Variants in HPGD observed in about 807,000 individuals in gnomAD.
HPGD encodes 15-hydroxyprostaglandin dehydrogenase [NAD(+)].
A neutral mutation model predicts 30.0 loss-of-function variants in HPGD; 29 were observed. The ratio of observed to expected loss-of-function variants is 0.97; its 90% CI spans 0.72 to 1.32. The LOEUF (loss-of-function observed/expected upper bound fraction) is 1.32. Among genes scored for constraint, HPGD ranks in the 40% most tolerant of loss-of-function variants. The pLI, the probability that HPGD is intolerant of heterozygous loss-of-function variation, is 0.00. For missense variants in HPGD, 340 were observed against 322.1 expected (o/e 1.06, Z -0.43); for synonymous variants, 99 against 112.4 (o/e 0.88, Z 0.75).
chr4:174,495,535 G>T lies in HPGD; in HGVS notation c.498+13C>A. On this transcript the variant is annotated intron_variant, in intron 5 of 6. Transcript: ENST00000296522. Reference sequence around the variant, plus strand: ...AAAGAGAAAATGAGATATGACGGTTGTTGTAGCCTCACCGCTGCTGAGCGT... The same window carrying T: ...AAAGAGAAAATGAGATATGACGGTTTTTGTAGCCTCACCGCTGCTGAGCGT... 6.3e-7 allele frequency: 1 copy of T among 1,590,038 alleles called. No individual in the cohort carries two copies. Among genetic ancestry groups the T allele is most frequent in the Non-Finnish European group, 8.6e-7 (1 of 1,158,082 alleles).
In HPGD at chr4:174,491,952, C is replaced by A. The variant is rs771308394; in HGVS notation, c.*4G>T. The A allele has an allele frequency of 1.8e-5, 29 of 1,610,676 alleles. 1 individual carries two copies. In the South Asian group the frequency reaches 2.2e-4, roughly 12 times the overall value. On this transcript the variant is annotated 3_prime_UTR_variant, in exon 7 of 7. Coordinates refer to ENST00000296522, the MANE Select transcript of HPGD (RefSeq NM_000860.6). ...TTTTCAGCTATGGCTAACACATAAG[C>A]TGTTCATTGGGTTTTTGCTTGAAAT...
chr4:174,520,591 T>A (rs1736053074), intron 2 of HPGD, among the ~76,000 whole-genome samples: 1 of 152,198 alleles, frequency 6.6e-6, no homozygotes, highest in Non-Finnish European at 1.5e-5. Flanking sequence ...TCCACAATCA[T>A]TTATCCTTAA....
rs1734427070 is a variant in HPGD, at chr4:174,493,217, T to C, written c.596A>G (p.Asn199Ser). 1.2e-6 allele frequency: 2 copies of C among 1,610,256 alleles called. No individual in the cohort carries two copies. Among genetic ancestry groups the C allele is most frequent in the Non-Finnish European group, 8.5e-7 (1 of 1,176,778 alleles). ...AILESIEKEE[N>S]MGQYIEYKDH... ...CTTATATTCTATATATTGTCCCATG[T>C]TTTCTTCTTTTTCAATTGATTCAAG... The change falls in exon 6 of 7, where the codon AAC (asparagine) becomes AGC (serine). Residue 199 changes from asparagine (N) to serine (S), a missense_variant. Transcript: ENST00000296522.
intron 3 of HPGD, among the ~76,000 whole-genome samples, chr4:174,510,371 G>T (rs2110840772): frequency 6.6e-6 from 1 of 152,314 alleles, no homozygotes; most frequent in Admixed American, 6.5e-5. Context: ...AGAAAAAGAT[G>T]TAGATGGCTG....
chr4:174,495,499 T>A lies in HPGD; in HGVS notation c.498+49A>T, dbSNP rs1254907351. The A allele has an allele frequency of 3.7e-6, 5 of 1,367,906 alleles. No homozygotes were observed. The South Asian group carries it at 5.8e-5, about 16-fold the overall frequency. 84.7% of individuals were successfully genotyped at this position (1,367,906 alleles called of 1,614,324 possible). A position where few individuals can be genotyped will look rare whatever the true frequency, so the allele number is the denominator to read the frequency against. The stretch of plus-strand genomic sequence containing the variant: ...TCCTCTCTACAGAATTCATGTTTTA[T>A]AAATGTGTACAAAGAGAAAATGAGA... On this transcript the variant is annotated intron_variant, in intron 5 of 6. Transcript: ENST00000296522.
intron 4 of HPGD, among the ~76,000 whole-genome samples, chr4:174,504,786 C>T (rs7665165): frequency 0.16 from 24,406 of 151,708 alleles, 2,692 homozygotes; most frequent in East Asian, 0.51. Flanking sequence ...GCACTCCAGC[C>T]TGGGTGACAC....
chr4:174,494,069 T>G lies in HPGD; in HGVS notation c.499-755A>C, dbSNP rs1734469519. Among the ~76,000 whole-genome samples, 1 of 152,172 alleles carries G rather than the reference T, an allele frequency of 6.6e-6. No individual in the cohort carries two copies. The highest frequency in any genetic ancestry group is 2.4e-5 in the African/African-American group (1 of 41,450). ...TAATTTTGTGCTTTTTTATTGGTGA[T>G]TCTGCTGTTTAAAATGGCTGCCAAA... is the stretch of plus-strand genomic sequence containing the variant. On this transcript the variant is annotated intron_variant, in intron 5 of 6. Coordinates refer to ENST00000296522, the MANE Select transcript of HPGD (RefSeq NM_000860.6). This position sits in a 1 kb window ranked among gnomAD's most constrained non-coding sequence, Gnocchi z 4.9.
intron 5 of HPGD, 55 bp from the exon 6 acceptor site, chr4:174,493,369 C>A: frequency 1.3e-6 from 2 of 1,518,750 alleles, no homozygotes; most frequent in Middle Eastern, 3.4e-4. Flanking sequence ...TAGCACAGGA[C>A]AAACTGATCA....
chr4:174,522,015 AG>A lies in HPGD; in HGVS notation c.145del (p.Leu49TrpfsTer23). The part of the protein sequence containing the change: ...LEAGVQCKAA[L>X]DEQFEPQKTL... ...CTTCTGAGGTTCAAACTGCTCATCCAGGGCAGCTTTACACTGTACACCTGCT... is the reference window on the plus strand; with the variant it reads ...CTTCTGAGGTTCAAACTGCTCATCCAGGCAGCTTTACACTGTACACCTGCT... On this transcript the variant is annotated frameshift_variant, in exon 2 of 7. Coordinates refer to ENST00000296522, the MANE Select transcript of HPGD (RefSeq NM_000860.6). LOFTEE classifies it high-confidence loss of function. The A allele has an allele frequency of 6.2e-7, 1 of 1,614,158 alleles. No homozygotes were observed. Among genetic ancestry groups the A allele is most frequent in the Non-Finnish European group, 8.5e-7 (1 of 1,179,976 alleles).
rs888612362 is a variant in HPGD, at chr4:174,493,483, AGTATT to A, written c.499-174_499-170del. The A allele has an allele frequency of 4.9e-6, 3 of 616,582 alleles. No homozygotes were observed. The African/African-American group carries it at 5.6e-5, about 11-fold the overall frequency. The allele number at this position is 616,582 out of a possible 1,614,324, so 38.2% of individuals were successfully genotyped here. On this transcript the variant is annotated intron_variant, in intron 5 of 6. Transcript: ENST00000296522. ...AGATAGTAAAATAACACATACATAAAGTATTGTATTAATTCCTGAAAATCTCACCT... is the reference window on the plus strand; with the variant it reads ...AGATAGTAAAATAACACATACATAAAGTATTAATTCCTGAAAATCTCACCT...
At chr4:174,515,261 A>T (rs1735711291) in intron 3 of HPGD, among the ~76,000 whole-genome samples, 1 of 152,166 alleles carries the variant, frequency 6.6e-6, no homozygotes, top group Non-Finnish European at 1.5e-5. Context: ...TTCGACTTCA[A>T]ACTATACAAG....
In HPGD at chr4:174,522,137, C is replaced by G; in HGVS notation, c.94-70G>C. 5 of 1,607,730 alleles carry G rather than the reference C, an allele frequency of 3.1e-6. No individual in the cohort carries two copies. In the South Asian group the frequency reaches 5.5e-5, roughly 18 times the overall value. ...AATAGACGGACAAACAATAAACACACAAGAGGCTCCCCTCCTGGACCTGAA... is the reference window on the plus strand; with the variant it reads ...AATAGACGGACAAACAATAAACACAGAAGAGGCTCCCCTCCTGGACCTGAA... On this transcript the variant is annotated intron_variant, in intron 1 of 6. Coordinates refer to ENST00000296522, the MANE Select transcript of HPGD (RefSeq NM_000860.6).
intron 4 of HPGD, among the ~76,000 whole-genome samples, chr4:174,497,913 T>C (rs1560977268): frequency 7.1e-6 from 1 of 141,076 alleles, no homozygotes; most frequent in East Asian, 2.1e-4. Context: ...CTCTCTCTCT[T>C]CCCCCCGCCC....
At chr4:174,513,412 C>T (rs1297136966) in intron 3 of HPGD, among the ~76,000 whole-genome samples, 2 of 151,460 alleles carry the variant, frequency 1.3e-5, no homozygotes, top group Non-Finnish European at 2.9e-5. Context: ...TGAAATACAA[C>T]TCTTAATAAG....
At chr4:174,519,218 A>ATT (rs111659072) in intron 2 of HPGD, among the ~76,000 whole-genome samples, 16,626 of 146,138 alleles carry the variant, frequency 0.11, 1,194 homozygotes, top group East Asian at 0.4. Context: ...TTTTTCATGG[A>ATT]TTTTTTTTTT....
intron 3 of HPGD, among the ~76,000 whole-genome samples, chr4:174,517,412 T>A (rs1735845368): frequency 6.6e-6 from 1 of 152,204 alleles, no homozygotes; most frequent in Non-Finnish European, 1.5e-5. Context: ...AATAAATAAG[T>A]CAGCGGTTGA....
intron 5 of HPGD, 129 bp from the exon 6 acceptor site, chr4:174,493,443 C>T (rs138123070): frequency 2.5e-4 from 203 of 811,440 alleles, no homozygotes; most frequent in Middle Eastern, 4.7e-4. Context: ...AGCTATGTAA[C>T]AATGACTGGT....
chr4:174,510,129 C>T (rs895507389), intron 3 of HPGD, among the ~76,000 whole-genome samples: 13 of 152,092 alleles, frequency 8.5e-5, no homozygotes, highest in African/African-American at 3.1e-4. Flanking sequence ...TACACATGTA[C>T]TTACCTTCTT....
intron 4 of HPGD, among the ~76,000 whole-genome samples, chr4:174,501,675 A>G (rs1734903996): frequency 1.3e-5 from 2 of 152,224 alleles, no homozygotes; most frequent in South Asian, 4.1e-4. Context: ...CAGGATAATA[A>G]CACTAAACAA....
Sources: gnomAD v4.1 joint callset for allele counts (sites outside exome capture counted in the v4.1 genomes callset) on GRCh38, gnomAD v4.1.1 for gene constraint, Gnocchi (gnomAD v3.1) non-coding constraint, MANE v1.5 for transcripts, NCBI Gene and HGNC (gene_info 2026-07-23, HGNC 2026-07-21) for gene names.